TACR1: variants seen among roughly 807,000 people sequenced by gnomAD.
TACR1 encodes substance-P receptor.
In TACR1, 25 loss-of-function variants were observed where a neutral mutation model predicts 35.8. The ratio of observed to expected loss-of-function variants is 0.70; its 90% CI spans 0.51 to 0.98. The LOEUF (loss-of-function observed/expected upper bound fraction) is 0.98, where lower values mean the gene tolerates loss of function less well. Among genes scored for constraint, TACR1 ranks in the 50% least tolerant of loss-of-function variants. The probability of loss-of-function intolerance (pLI) is 0.00; values close to 1 mark genes in which losing one functional copy is unlikely to be tolerated. For missense variants in TACR1, 478 were observed against 522.9 expected, an observed-to-expected ratio of 0.91 and a Z score of 0.84; for synonymous variants, 195 against 206.7, an observed-to-expected ratio of 0.94 and a Z score of 0.48.
chr2:75,093,012 A>T (rs1673339284), intron 2 of TACR1, among the ~76,000 whole-genome samples: 1 of 152,230 alleles, frequency 6.6e-6, no homozygotes, highest in South Asian at 2.1e-4. Context: ...ATTCATTTAC[A>T]ATGTCTTTGT....
At chr2:75,120,917 T>G (rs1673957727) in intron 1 of TACR1, 149 bp from the exon 2 acceptor site, 1 of 721,012 alleles carries the variant, frequency 1.4e-6, no homozygotes, top group Admixed American at 3.2e-5. Flanking sequence ...TTTTCCATAT[T>G]CTACCCTTAA....
intron 1 of TACR1, among the ~76,000 whole-genome samples, chr2:75,125,164 T>C (rs1674048673): frequency 6.6e-6 from 1 of 152,108 alleles, no homozygotes; most frequent in African/African-American, 2.4e-5. Context: ...TATTTTCTTT[T>C]CTTTTCTTTT....
intron 3 of TACR1, 51 bp from the exon 4 acceptor site, chr2:75,051,498 C>T (rs763896727): frequency 1.1e-5 from 18 of 1,603,022 alleles, no homozygotes; most frequent in African/African-American, 1.1e-4. Flanking sequence ...CCCTCTCTCA[C>T]GGCTGCTTCC....
intron 1 of TACR1, among the ~76,000 whole-genome samples, chr2:75,177,680 T>C (rs1007501515): frequency 1.3e-5 from 2 of 152,154 alleles, no homozygotes; most frequent in African/African-American, 4.8e-5. Flanking sequence ...CTACAGTCAC[T>C]CCTCACATAT....
chr2:75,144,915 A>G (rs563772664), intron 1 of TACR1, among the ~76,000 whole-genome samples: 69 of 152,186 alleles, frequency 4.5e-4, no homozygotes, highest in Non-Finnish European at 8.4e-4. Flanking sequence ...AAAGATAGAG[A>G]TGAATATAAT....
In TACR1 at chr2:75,150,757, T is replaced by C. The variant is rs530022283; in HGVS notation, c.390-29989A>G. On this transcript the variant is annotated intron_variant, in intron 1 of 4. Coordinates refer to ENST00000305249, the MANE Select transcript of TACR1 (RefSeq NM_001058.4). ...TTTGGAACTGGGTAACAGGTAGAGA[T>C]TGGAATAGTTTGGGAGGGCTCAGAA... 2.6e-5 allele frequency among the ~76,000 whole-genome samples: 4 copies of C among 152,172 alleles called. No homozygotes were observed. In the South Asian group the frequency reaches 6.2e-4, roughly 24 times the overall value.
intron 1 of TACR1, among the ~76,000 whole-genome samples, chr2:75,178,111 C>T (rs1675470765): frequency 6.6e-6 from 1 of 152,160 alleles, no homozygotes; most frequent in African/African-American, 2.4e-5. Context: ...AACCTGGACC[C>T]ATATGCTCAC....
In TACR1 at chr2:75,122,048, G is replaced by A. The variant is rs180709873; in HGVS notation, c.390-1280C>T. On this transcript the variant is annotated intron_variant, in intron 1 of 4. Transcript: ENST00000305249. ...AATAAATTCCCACTGGACACCTGCC[G>A]CACATAGAGCACAGCGTTTCCTTCT... is the stretch of plus-strand genomic sequence containing the variant. 8.5e-3 allele frequency among the ~76,000 whole-genome samples: 1,296 copies of A among 152,264 alleles called. 5 individuals are homozygous for A. Among genetic ancestry groups the A allele is most frequent in the Middle Eastern group, 0.017 (5 of 294 alleles).
At chr2:75,196,820 C>T (rs1465976090) in intron 1 of TACR1, among the ~76,000 whole-genome samples, 1 of 152,144 alleles carries the variant, frequency 6.6e-6, no homozygotes, top group Admixed American at 6.5e-5. Flanking sequence ...AGCCCCAGTG[C>T]AGAAAAAGCA....
chr2:75,144,855 C>T (rs1228523008), intron 1 of TACR1, among the ~76,000 whole-genome samples: 1 of 152,078 alleles, frequency 6.6e-6, no homozygotes, highest in South Asian at 2.1e-4. Flanking sequence ...GAAAATGACA[C>T]TGATGATTTG....
At chr2:75,122,324 T>C (rs1311263823) in intron 1 of TACR1, among the ~76,000 whole-genome samples, 1 of 152,204 alleles carries the variant, frequency 6.6e-6, no homozygotes. Flanking sequence ...CTTTCTTGTT[T>C]CTCCATGTTA....
intron 2 of TACR1, among the ~76,000 whole-genome samples, chr2:75,081,243 C>T (rs764900940): frequency 1.2e-4 from 19 of 152,124 alleles, no homozygotes; most frequent in Non-Finnish European, 2.5e-4. Context: ...AATTGTATAA[C>T]GGGCGTGTAT....
At chr2:75,151,976 G>A (rs72920633) in intron 1 of TACR1, among the ~76,000 whole-genome samples, 2,185 of 152,256 alleles carry the variant, frequency 0.014, 56 homozygotes, top group African/African-American at 0.05. Context: ...AGACTTGCAT[G>A]AGCCCTGTAT....
chr2:75,134,071 A>G (rs907878189), intron 1 of TACR1, among the ~76,000 whole-genome samples: 2 of 152,332 alleles, frequency 1.3e-5, no homozygotes, highest in East Asian at 3.9e-4. Flanking sequence ...TGCACGGTCT[A>G]AAAAGGGGAG....
At chr2:75,101,331 A>G (rs1413503296) in intron 2 of TACR1, among the ~76,000 whole-genome samples, 1 of 152,220 alleles carries the variant, frequency 6.6e-6, no homozygotes, top group African/African-American at 2.4e-5. Flanking sequence ...GACTTTCCAT[A>G]TTAGTAATAC....
chr2:75,118,651 A>G (rs1022037168), intron 2 of TACR1, among the ~76,000 whole-genome samples: 1 of 152,238 alleles, frequency 6.6e-6, no homozygotes, highest in African/African-American at 2.4e-5. Flanking sequence ...TTTATTTCCA[A>G]GTTAAACTTT....
intron 1 of TACR1, among the ~76,000 whole-genome samples, chr2:75,145,286 A>G (rs1446098273): frequency 6.6e-6 from 1 of 152,140 alleles, no homozygotes; most frequent in Non-Finnish European, 1.5e-5. Flanking sequence ...AATATCTTAA[A>G]TGCAATGATG....
chr2:75,151,136 G>C (rs1404342763), intron 1 of TACR1, among the ~76,000 whole-genome samples: 1 of 152,204 alleles, frequency 6.6e-6, no homozygotes, highest in Non-Finnish European at 1.5e-5. Flanking sequence ...TGGAAAATTT[G>C]TAGTCTGACT....
chr2:75,186,386 A>G (rs1296181689), intron 1 of TACR1, among the ~76,000 whole-genome samples: 1 of 151,310 alleles, frequency 6.6e-6, no homozygotes, highest in Non-Finnish European at 1.5e-5. Context: ...AAAAAAAAAA[A>G]AAAAAAGAAA....
Sources: allele counts gnomAD v4.1 joint callset (sites outside exome capture counted in the v4.1 genomes callset), GRCh38; gene constraint gnomAD v4.1.1; transcripts MANE v1.5; gene names NCBI Gene and HGNC (gene_info 2026-07-23, HGNC 2026-07-21).